The following MARVELD3 variants were observed in gnomAD, a reference collection of about 807,000 sequenced individuals.
MARVELD3 encodes the protein MARVEL domain containing 3.
Under a neutral mutation model 33.5 loss-of-function variants are expected in MARVELD3, and 28 were observed. That is an observed-to-expected ratio of 0.84 (90% confidence interval 0.62 to 1.15). MARVELD3 has a LOEUF of 1.15. Among genes scored for constraint, MARVELD3 ranks in the 50% most tolerant of loss-of-function variants. MARVELD3 has a pLI of 0.00. For missense variants in MARVELD3, 582 were observed against 547.6 expected (o/e 1.06, Z -0.63); for synonymous variants, 241 against 230.4 (o/e 1.05, Z -0.42).
Position 71,635,037 on chromosome 16 carries a change from C to CA in MARVELD3, c.*241dup, listed in dbSNP as rs1269330765. ...CCAATCAAAATTATTTTTCAAAAAG[C>CA]AAAAAAATGGCCGGCCTCGGCGGCT... On this transcript the variant is annotated 3_prime_UTR_variant, in exon 3 of 3. Transcript: ENST00000268485. 3.3e-6 allele frequency: 4 copies of CA among 1,218,876 alleles called. No homozygotes were observed. The highest frequency in any genetic ancestry group is 4.0e-5 in the East Asian group (1 of 24,958). 75.5% of individuals were successfully genotyped at this position (1,218,876 alleles called of 1,614,324 possible).
chr16:71,638,589 ATATCT>A (rs1432663384), downstream of MARVELD3: 1 of 152,240 alleles, frequency 6.6e-6, no homozygotes, highest in Non-Finnish European at 1.5e-5. Context: ...TTCTCAGTTT[ATATCT>A]TATGTCATTT....
At chr16:71,638,654 CA>C (rs1226422247), downstream of MARVELD3, 6 of 152,150 alleles carry the variant, frequency 3.9e-5, no homozygotes, top group Non-Finnish European at 5.9e-5. Context: ...CAAGAAGTCA[CA>C]AAAACAGTGC....
In MARVELD3 at chr16:71,636,201, T is replaced by C; in HGVS notation, c.*1398T>C. On this transcript the variant is annotated 3_prime_UTR_variant, in exon 3 of 3. Coordinates refer to ENST00000268485, the MANE Select transcript of MARVELD3 (RefSeq NM_052858.6). Reference sequence around the variant, plus strand: ...GAATCCAATAAAAAATCCAAAGAATTTTAATTTGGAGTTGATGTCCTCTTT... The same window carrying C: ...GAATCCAATAAAAAATCCAAAGAATCTTAATTTGGAGTTGATGTCCTCTTT... 1.0e-6 allele frequency: 1 copy of C among 959,920 alleles called. No individual in the cohort carries two copies. Among genetic ancestry groups the C allele is most frequent in the Non-Finnish European group, 1.2e-6 (1 of 806,382 alleles). 59.5% of individuals were successfully genotyped at this position (959,920 alleles called of 1,614,324 possible). A position where few individuals can be genotyped will look rare whatever the true frequency, so the allele number is the denominator to read the frequency against.
chr16:71,629,837 G>A (rs1374718064), intron 2 of MARVELD3, among the ~76,000 whole-genome samples: 3 of 152,094 alleles, frequency 2.0e-5, no homozygotes, highest in Admixed American at 6.6e-5. Flanking sequence ...ATCTTCTGGC[G>A]AGGCAGCTGA....
At chr16:71,641,136 GCT>G (rs1379318801), downstream of MARVELD3, 24 of 1,348,892 alleles carry the variant, frequency 1.8e-5, no homozygotes, top group African/African-American at 5.9e-5. Context: ...CTTTATAAAT[GCT>G]CTCTTTGGAC....
intron 2 of MARVELD3, among the ~76,000 whole-genome samples, chr16:71,629,906 T>A (rs1287036431): frequency 6.6e-6 from 1 of 152,082 alleles, no homozygotes; most frequent in African/African-American, 2.4e-5. Context: ...CCTGTTCTCC[T>A]TGAAGATCTG....
chr16:71,639,750 G>C (rs1445212368), downstream of MARVELD3, among the ~76,000 whole-genome samples: 2 of 151,954 alleles, frequency 1.3e-5, no homozygotes, highest in Non-Finnish European at 2.9e-5. Flanking sequence ...CCCAGCCTAG[G>C]AGTTCATCCC....
At position 71,632,836 on chromosome 16, in the gene MARVELD3, TC is replaced by T. The variant is rs531217082; in HGVS notation, c.596-1356del. Among the ~76,000 whole-genome samples, 10 of 152,086 alleles carry T rather than the reference TC, an allele frequency of 6.6e-5. No homozygotes were observed. In the South Asian group the frequency reaches 1.9e-3, roughly 28 times the overall value. ...CATGTTGGCCAGGCTGGTCTAGAAC[TC>T]GTGACCGCAGGTGATCTGCCTGCCT... On this transcript the variant is annotated intron_variant, in intron 2 of 2. Coordinates refer to ENST00000268485, the MANE Select transcript of MARVELD3 (RefSeq NM_052858.6).
Position 71,626,571 on chromosome 16 carries a change from G to T in MARVELD3, c.342G>T (p.Arg114=), listed in dbSNP as rs1263626749. The change falls in exon 1 of 3, where the codon CGG becomes CGT. Residue 114 remains arginine (R), a synonymous_variant. Coordinates refer to ENST00000268485, the MANE Select transcript of MARVELD3 (RefSeq NM_052858.6). This position sits in a 1 kb window ranked among gnomAD's most constrained non-coding sequence, Gnocchi z 5.3. ...TTTGGGAAAAACCGCGCCAAAGCCG[G>T]ACGCGGGACGGAGCCCGGGGACTGA... is the stretch of plus-strand genomic sequence containing the variant. The part of the protein sequence containing the change: ...HGVWEKPRQS[R]TRDGARGLTW... 1.3e-6 allele frequency: 2 copies of T among 1,547,158 alleles called. No individual in the cohort carries two copies. The highest frequency in any genetic ancestry group is 2.4e-5 in the East Asian group (1 of 40,904).
In MARVELD3 at chr16:71,636,289, A is replaced by G. The variant is rs2044580787; in HGVS notation, c.*1486A>G. ...TTTTCACATTTAAAAGGTGAGTTCCATTTGAGTTTAGAAAAGGAAATATAT... is the reference window on the plus strand; with the variant it reads ...TTTTCACATTTAAAAGGTGAGTTCCGTTTGAGTTTAGAAAAGGAAATATAT... On this transcript the variant is annotated 3_prime_UTR_variant, in exon 3 of 3. Transcript: ENST00000268485. The G allele has an allele frequency of 2.4e-6, 1 of 423,894 alleles. No homozygotes were observed. The highest frequency in any genetic ancestry group is 9.6e-5 in the South Asian group (1 of 10,452). 26.3% of individuals were successfully genotyped at this position (423,894 alleles called of 1,614,324 possible).
chr16:71,629,554 G>T, intron 2 of MARVELD3, 60 bp downstream of exon 2: 1 of 1,494,646 alleles, frequency 6.7e-7, no homozygotes, highest in Non-Finnish European at 8.9e-7. Flanking sequence ...GGAAGGGATG[G>T]TCTGAGCTGG....
At position 71,629,465 on chromosome 16, in the gene MARVELD3, A is replaced by G; in HGVS notation, c.566A>G (p.His189Arg). ...QSEAEGLLEC[H>R]KCKYLCTGRA... ...GAGGCGGAAGGACTCCTGGAATGCC[A>G]CAAATGCAAATACTTGTGCACTGGG... is the stretch of plus-strand genomic sequence containing the variant. The change falls in exon 2 of 3, where the codon CAC (histidine) becomes CGC (arginine). Residue 189 changes from histidine to arginine, a missense_variant. His to Arg is a conservative substitution (Grantham distance 29). Transcript: ENST00000268485. The G allele has an allele frequency of 6.3e-7, 1 of 1,576,110 alleles. No homozygotes were observed. Among genetic ancestry groups the G allele is most frequent in the Non-Finnish European group, 8.6e-7 (1 of 1,165,436 alleles).
chr16:71,635,814 G>T lies in MARVELD3; in HGVS notation c.*1011G>T. 2.0e-6 allele frequency: 2 copies of T among 985,366 alleles called. No homozygotes were observed. Among genetic ancestry groups the T allele is most frequent in the Non-Finnish European group, 2.4e-6 (2 of 829,942 alleles). The allele number at this position is 985,366 out of a possible 1,614,324, so 61.0% of individuals were successfully genotyped here. The stretch of plus-strand genomic sequence containing the variant: ...AACTACTCCTGTAAAATTGAAGTTG[G>T]AGGTAGGCGTGGGCTGAGGAAAGAG... On this transcript the variant is annotated 3_prime_UTR_variant, in exon 3 of 3. Coordinates refer to ENST00000268485, the MANE Select transcript of MARVELD3 (RefSeq NM_052858.6).
Position 71,629,836 on chromosome 16 carries a change from C to T in MARVELD3, c.595+342C>T, listed in dbSNP as rs186102783. 1.4e-4 allele frequency among the ~76,000 whole-genome samples: 22 copies of T among 152,142 alleles called. No homozygotes were observed. In the East Asian group the frequency reaches 2.9e-3, roughly 20 times the overall value. ...AGCTGTCAGAGGAGGGATCTTCTGG[C>T]GAGGCAGCTGAATTAACAGAGAGGG... On this transcript the variant is annotated intron_variant, in intron 2 of 2. Transcript: ENST00000268485.
chr16:71,641,153 G>A (rs1373156786), downstream of MARVELD3: 28 of 1,242,660 alleles, frequency 2.3e-5, no homozygotes, highest in Non-Finnish European at 3.1e-5. Flanking sequence ...TTGGACTGAG[G>A]CAAAGTTAAA....
rs1453296598 is a variant in MARVELD3 at position 71,636,328 on chromosome 16, T to C, written c.*1525T>C. The C allele has an allele frequency of 4.6e-6, 1 of 218,964 alleles. No homozygotes were observed. The highest frequency in any genetic ancestry group is 7.8e-6 in the Non-Finnish European group (1 of 128,878). The allele number at this position is 218,964 out of a possible 1,614,324, so 13.6% of individuals were successfully genotyped here. A position where few individuals can be genotyped will look rare whatever the true frequency, so the allele number is the denominator to read the frequency against. ...AAGGAAATATATATATACATGCTTG[T>C]ATATGATTGGAAAATTTCTTGAAGA... On this transcript the variant is annotated 3_prime_UTR_variant, in exon 3 of 3. Coordinates refer to ENST00000268485, the MANE Select transcript of MARVELD3 (RefSeq NM_052858.6).
At chr16:71,631,045 G>A (rs954912405) in intron 2 of MARVELD3, among the ~76,000 whole-genome samples, 1 of 152,180 alleles carries the variant, frequency 6.6e-6, no homozygotes. Context: ...GGGAGAAAAC[G>A]TTCCAGCCTA....
At chr16:71,629,246 G>C (rs1003013524) in intron 1 of MARVELD3, 121 bp from the exon 2 acceptor site, 1 of 1,172,480 alleles carries the variant, frequency 8.5e-7, no homozygotes, top group East Asian at 2.9e-5. Context: ...TTAAAATACC[G>C]GGACAAATTC....
Position 71,635,518 on chromosome 16 carries a change from G to T in MARVELD3, c.*715G>T, listed in dbSNP as rs950043398. ...GAGCTTTGGGAGGCTGAGGTAGGAG[G>T]ATTGCTTGAACCCAGGAGTTCAAGT... On this transcript the variant is annotated 3_prime_UTR_variant, in exon 3 of 3. Coordinates refer to ENST00000268485, the MANE Select transcript of MARVELD3 (RefSeq NM_052858.6). The T allele has an allele frequency of 2.0e-6, 2 of 984,386 alleles. No homozygotes were observed. The highest frequency in any genetic ancestry group is 1.2e-6 in the Non-Finnish European group (1 of 829,428). The allele number at this position is 984,386 out of a possible 1,614,324, so 61.0% of individuals were successfully genotyped here.
Sources: gnomAD v4.1 joint callset for allele counts (sites outside exome capture counted in the v4.1 genomes callset) on GRCh38, gnomAD v4.1.1 for gene constraint, Gnocchi (gnomAD v3.1) non-coding constraint, MANE v1.5 for transcripts, NCBI Gene and HGNC (gene_info 2026-07-23, HGNC 2026-07-21) for gene names.